The following ZNF423 variants were observed in gnomAD, a reference collection of about 807,000 sequenced individuals.
The protein encoded by ZNF423 is Ebf-associated zinc finger protein.
ZNF423 carries 12 observed loss-of-function variants against 95.8 expected under a neutral mutation model. The ratio of observed to expected loss-of-function variants is 0.13; its 90% CI spans 0.08 to 0.20. The LOEUF (loss-of-function observed/expected upper bound fraction) is 0.20, where lower values mean the gene tolerates loss of function less well. Ranked by LOEUF, ZNF423 falls within the 10% of genes least tolerant of loss-of-function variation. The pLI is 1.00. For synonymous variants in ZNF423, 749 were observed against 711.9 expected (o/e 1.05, Z -0.83); for missense variants, 1,316 against 1,737.1 (o/e 0.76, Z 4.31).
At chr16:49,549,656 T>C (rs995535142) in intron 5 of ZNF423, among the ~76,000 whole-genome samples, 1 of 152,216 alleles carries the variant, frequency 6.6e-6, no homozygotes, top group African/African-American at 2.4e-5. Context: ...ATGTGCTGAA[T>C]ACTTTACATA....
chr16:49,673,387 A>C (rs1361304008), intron 3 of ZNF423, among the ~76,000 whole-genome samples: 1 of 152,170 alleles, frequency 6.6e-6, no homozygotes, highest in Non-Finnish European at 1.5e-5. Flanking sequence ...AAATAATTAC[A>C]TGATCATTTC....
In ZNF423 at chr16:49,530,607, G is replaced by T. The variant is rs529615711; in HGVS notation, c.3602-5113C>A. On this transcript the variant is annotated intron_variant, in intron 5 of 7. Transcript: ENST00000563137. Reference sequence around the variant, plus strand: ...TAAAGCACTTAGCACAGAGTTTGCGGTAGGGTGGGAGTGCTGGTAAATGCC... The same window carrying T: ...TAAAGCACTTAGCACAGAGTTTGCGTTAGGGTGGGAGTGCTGGTAAATGCC... Among the ~76,000 whole-genome samples, 5 of 152,296 alleles carry T rather than the reference G, an allele frequency of 3.3e-5. No individual in the cohort carries two copies. The South Asian group carries it at 1.0e-3, about 32-fold the overall frequency.
intron 2 of ZNF423, among the ~76,000 whole-genome samples, chr16:49,788,507 C>G (rs1227477181): frequency 6.6e-6 from 1 of 152,228 alleles, no homozygotes. Context: ...ATACCTGATG[C>G]CTAACCGCGT....
chr16:49,516,886 C>T (rs1031319323), intron 7 of ZNF423, among the ~76,000 whole-genome samples: 4 of 152,204 alleles, frequency 2.6e-5, no homozygotes, highest in Non-Finnish European at 5.9e-5. Flanking sequence ...ACCGCTGTCA[C>T]TATCTCTGGG....
intron 2 of ZNF423, among the ~76,000 whole-genome samples, chr16:49,733,213 TA>T (rs34982742): frequency 0.094 from 14,085 of 150,594 alleles, 679 homozygotes; most frequent in Middle Eastern, 0.13. Context: ...CTTTCCTTAA[TA>T]AAAAAAAAAT....
intron 7 of ZNF423, among the ~76,000 whole-genome samples, chr16:49,522,057 C>T (rs891068618): frequency 1.3e-5 from 2 of 152,228 alleles, no homozygotes; most frequent in Non-Finnish European, 1.5e-5. Flanking sequence ...TCAAGTGACT[C>T]TGCATGGTGT....
chr16:49,491,619 G>A (rs928874971), intron 7 of ZNF423, among the ~76,000 whole-genome samples: 1 of 147,842 alleles, frequency 6.8e-6, no homozygotes, highest in Non-Finnish European at 1.5e-5. Flanking sequence ...AAGGGGAAAT[G>A]CCGGGGAGGA....
intron 5 of ZNF423, among the ~76,000 whole-genome samples, chr16:49,585,934 G>C (rs934391777): frequency 2.6e-5 from 4 of 152,148 alleles, no homozygotes; most frequent in Non-Finnish European, 4.4e-5. Flanking sequence ...CACTGGACAG[G>C]GTGGGAAAGC....
At chr16:49,631,929 A>G (rs1217874280) in intron 4 of ZNF423, among the ~76,000 whole-genome samples, 1 of 152,164 alleles carries the variant, frequency 6.6e-6, no homozygotes, top group Admixed American at 6.5e-5. Flanking sequence ...TTCGATGCCC[A>G]CTGTCTGAGC....
At chr16:49,515,237 G>A (rs1968088186) in intron 7 of ZNF423, among the ~76,000 whole-genome samples, 1 of 152,220 alleles carries the variant, frequency 6.6e-6, no homozygotes, top group Admixed American at 6.5e-5. Flanking sequence ...GCGCGCACAG[G>A]CCCCATGGCG....
chr16:49,516,648 A>T (rs779569988), intron 7 of ZNF423, among the ~76,000 whole-genome samples: 9 of 152,200 alleles, frequency 5.9e-5, no homozygotes, highest in Non-Finnish European at 1.3e-4. Context: ...ACCGACAGGG[A>T]CCTCAGCACT....
At chr16:49,547,237 C>A (rs923408714) in intron 5 of ZNF423, among the ~76,000 whole-genome samples, 1 of 152,012 alleles carries the variant, frequency 6.6e-6, no homozygotes, top group African/African-American at 2.4e-5. Flanking sequence ...GCTGAGAGTG[C>A]CCCAGGGAAA....
chr16:49,823,679 G>A (rs1029292706), intron 1 of ZNF423, among the ~76,000 whole-genome samples: 1 of 152,162 alleles, frequency 6.6e-6, no homozygotes, highest in Non-Finnish European at 1.5e-5. Context: ...AGGCAGAGGA[G>A]ACAGTAAGAG....
At chr16:49,522,526 A>AGACC (rs150099502) in intron 7 of ZNF423, among the ~76,000 whole-genome samples, 2,394 of 152,196 alleles carry the variant, frequency 0.016, 66 homozygotes, top group African/African-American at 0.054. Context: ...GAGGACACAG[A>AGACC]GACCGAGAGG....
intron 2 of ZNF423, among the ~76,000 whole-genome samples, chr16:49,751,005 G>A (rs143209996): frequency 7.9e-4 from 120 of 152,250 alleles, no homozygotes; most frequent in African/African-American, 2.7e-3. Flanking sequence ...CGACGGCGAC[G>A]AAAGGCCCGA....
At chr16:49,677,359 GGA>G (rs2031150386) in intron 3 of ZNF423, among the ~76,000 whole-genome samples, 2 of 27,668 alleles carry the variant, frequency 7.2e-5, no homozygotes, top group African/African-American at 1.4e-4. Context: ...GGGAGGGGAG[GGA>G]AGGGGAGGGT....
Position 49,638,974 on chromosome 16 carries a change from C to T in ZNF423, c.302-100G>A. On this transcript the variant is annotated intron_variant, in intron 3 of 7. Transcript: ENST00000563137. The surrounding 1 kb of genome is among the most constrained non-coding windows in gnomAD (Gnocchi z 5.6). Reference sequence around the variant, plus strand: ...CGACAGCACGCGGGCTGAGGCTGTGCAGCTGGCCAACGGCTGCAGGGGGCT... The same window carrying T: ...CGACAGCACGCGGGCTGAGGCTGTGTAGCTGGCCAACGGCTGCAGGGGGCT... The T allele has an allele frequency of 2.1e-6, 3 of 1,458,776 alleles. No individual in the cohort carries two copies. The highest frequency in any genetic ancestry group is 1.8e-4 in the Middle Eastern group (1 of 5,566). 90.4% of individuals were successfully genotyped at this position (1,458,776 alleles called of 1,614,324 possible).
At chr16:49,529,201 C>G (rs1021305517) in intron 5 of ZNF423, among the ~76,000 whole-genome samples, 2 of 151,808 alleles carry the variant, frequency 1.3e-5, no homozygotes, top group Admixed American at 1.3e-4. Flanking sequence ...AATTATGCAG[C>G]CCCGCTCATT....
chr16:49,776,076 T>C (rs2034114521), intron 2 of ZNF423, among the ~76,000 whole-genome samples: 1 of 152,140 alleles, frequency 6.6e-6, no homozygotes, highest in African/African-American at 2.4e-5. Context: ...GGAGAGGAGA[T>C]GCAGGAGCTC....
Sources: gnomAD v4.1 joint callset for allele counts (sites outside exome capture counted in the v4.1 genomes callset) on GRCh38, gnomAD v4.1.1 for gene constraint, Gnocchi (gnomAD v3.1) non-coding constraint, MANE v1.5 for transcripts, NCBI Gene and HGNC (gene_info 2026-07-23, HGNC 2026-07-21) for gene names.